The following ZFHX4 variants were observed in gnomAD, a reference collection of about 807,000 sequenced individuals.
The protein encoded by ZFHX4 is zinc finger homeobox 4.
Under a neutral mutation model 267.6 loss-of-function variants are expected in ZFHX4, and 56 were observed. The observed-to-expected ratio is 0.21, with a 90% CI of 0.17 to 0.26. The LOEUF (loss-of-function observed/expected upper bound fraction) is 0.26. Ranked by LOEUF, ZFHX4 falls within the 10% of genes least tolerant of loss-of-function variation. The pLI is 1.00. For synonymous variants in ZFHX4, 1,778 were observed against 1,665.6 expected, an observed-to-expected ratio of 1.07 and a Z score of -1.64; for missense variants, 4,332 against 4,420.0, an observed-to-expected ratio of 0.98 and a Z score of 0.56.
intron 4 of ZFHX4, among the ~76,000 whole-genome samples, chr8:76,789,840 C>G (rs942418097): frequency 6.6e-6 from 1 of 152,022 alleles, no homozygotes; most frequent in African/African-American, 2.4e-5. Context: ...TGTGCATATG[C>G]ATTTAGAAAA....
chr8:76,832,002 T>TC (rs1554571761), intron 4 of ZFHX4, among the ~76,000 whole-genome samples: 1 of 144,620 alleles, frequency 6.9e-6, no homozygotes, highest in Non-Finnish European at 1.5e-5. Flanking sequence ...GTTTTTTTAG[T>TC]GGGGGGGGGC....
chr8:76,849,014 G>C lies in ZFHX4; in HGVS notation c.3531G>C (p.Lys1177Asn), dbSNP rs375393965. The change falls in exon 7 of 11, where the codon AAG becomes AAC. Residue 1177 changes from lysine (K) to asparagine (N), a missense_variant. Around this residue, in one of 7 missense-constraint regions of ZFHX4, gnomAD observed 1,371 missense variants for 1,423.1 expected, o/e 0.96. Coordinates refer to ENST00000651372, the MANE Select transcript of ZFHX4 (RefSeq NM_024721.5). ...NKDSGIITPE[K>N]ELKVSVAGGT... ...AATCAGGGATAATCACACCAGAGAAGGAACTAAAAGTTAGTGTGGCAGGGG... is the reference window on the plus strand; with the variant it reads ...AATCAGGGATAATCACACCAGAGAACGAACTAAAAGTTAGTGTGGCAGGGG... The C allele has an allele frequency of 1.6e-4, 243 of 1,547,918 alleles. No individual in the cohort carries two copies. The highest frequency in any genetic ancestry group is 2.0e-4 in the Non-Finnish European group (235 of 1,147,182).
At chr8:76,825,634 C>A (rs1310344076) in intron 4 of ZFHX4, among the ~76,000 whole-genome samples, 1 of 152,190 alleles carries the variant, frequency 6.6e-6, no homozygotes, top group East Asian at 1.9e-4. Flanking sequence ...TATTTCAACA[C>A]AGGGGTTATG....
chr8:76,790,799 A>T (rs1342102479), intron 4 of ZFHX4, among the ~76,000 whole-genome samples: 3 of 152,060 alleles, frequency 2.0e-5, no homozygotes, highest in Non-Finnish European at 4.4e-5. Context: ...CATAATTCCC[A>T]AGTTGGAACA....
chr8:76,716,759 A>G (rs934769913), intron 3 of ZFHX4, among the ~76,000 whole-genome samples: 2 of 152,206 alleles, frequency 1.3e-5, no homozygotes, highest in Admixed American at 1.3e-4. Flanking sequence ...ATGAACAGGA[A>G]GGAGAAACTG....
rs1808259680 is a variant in ZFHX4 at position 76,706,097 on chromosome 8, C to T, written c.2009C>T (p.Pro670Leu). 2 of 1,613,514 alleles carry T rather than the reference C, an allele frequency of 1.2e-6. No individual in the cohort carries two copies. Among genetic ancestry groups the T allele is most frequent in the South Asian group, 1.1e-5 (1 of 91,024 alleles). ...CATATGAAGGAGAAACACCCTGAGCCGGGTGGCTCTTGTGTTTATTGTAAG... is the reference window on the plus strand; with the variant it reads ...CATATGAAGGAGAAACACCCTGAGCTGGGTGGCTCTTGTGTTTATTGTAAG... Reference protein sequence around the residue: ...EAHMKEKHPEPGGSCVYCKTG... With the variant: ...EAHMKEKHPELGGSCVYCKTG... Residue 670 changes from proline (P) to leucine (L), a missense_variant, in exon 2 of 11, where the codon CCG becomes CTG. By Grantham distance (98) the Pro-to-Leu change is moderately conservative. Around this residue, in one of 7 missense-constraint regions of ZFHX4, gnomAD observed 1,195 missense variants for 1,173.6 expected, o/e 1.02. Transcript: ENST00000651372.
Position 76,849,862 on chromosome 8 carries a change from C to T in ZFHX4, c.3846+150C>T, listed in dbSNP as rs1008196698. On this transcript the variant is annotated intron_variant, in intron 8 of 10. Transcript: ENST00000651372. ...CGTGTTATAGTAGTCACACTCAAGG[C>T]CCATTTGTGACCTCTTTTGCTTGGA... The T allele has an allele frequency of 1.2e-5, 10 of 842,868 alleles. No individual in the cohort carries two copies. The African/African-American group carries it at 1.5e-4, about 13-fold the overall frequency. 52.2% of individuals were successfully genotyped at this position (842,868 alleles called of 1,614,324 possible).
chr8:76,698,311 A>T (rs1255907387), intron 1 of ZFHX4, among the ~76,000 whole-genome samples: 2 of 152,174 alleles, frequency 1.3e-5, no homozygotes, highest in Admixed American at 1.3e-4. Context: ...AATGAGTCAT[A>T]TAATAGTGTA....
At chr8:76,714,459 C>G (rs1808511897) in intron 3 of ZFHX4, among the ~76,000 whole-genome samples, 1 of 152,118 alleles carries the variant, frequency 6.6e-6, no homozygotes, top group African/African-American at 2.4e-5. Context: ...CTGCCTGCCC[C>G]CCAAATTATC....
At chr8:76,856,327 T>C in intron 10 of ZFHX4, 27 bp downstream of exon 10, 1 of 1,611,114 alleles carries the variant, frequency 6.2e-7, no homozygotes, top group Non-Finnish European at 8.5e-7. Flanking sequence ...AGACTCAGTC[T>C]AGTTAATTAA....
At chr8:76,834,176 G>A (rs1247380459) in intron 5 of ZFHX4, 13 of 442,218 alleles carry the variant, frequency 2.9e-5, no homozygotes, top group Non-Finnish European at 4.1e-5. Context: ...TGGCAATTAC[G>A]AATAAAACTA....
chr8:76,704,637 A>C lies in ZFHX4; in HGVS notation c.549A>C (p.Ala183=), dbSNP rs1329540809. The C allele has an allele frequency of 1.9e-6, 3 of 1,613,978 alleles. No homozygotes were observed. The East Asian group carries it at 6.7e-5, about 36-fold the overall frequency. The stretch of plus-strand genomic sequence containing the variant: ...AGAAGAGTGATCAGTCTGCTTCTGC[A>C]CCTATGTCGTTCTACCCACAGATCA... ...AGEKSDQSAS[A]PMSFYPQIIN... Residue 183 remains alanine (A), a synonymous_variant, in exon 2 of 11, where the codon GCA becomes GCC. Transcript: ENST00000651372.
At chr8:76,714,859 C>T (rs531214306) in intron 3 of ZFHX4, among the ~76,000 whole-genome samples, 63 of 152,238 alleles carry the variant, frequency 4.1e-4, no homozygotes, top group African/African-American at 1.5e-3. Flanking sequence ...ACATTTGGTG[C>T]TTAGATGTCG....
At chr8:76,795,280 GTTGT>G (rs1454603967) in intron 4 of ZFHX4, among the ~76,000 whole-genome samples, 4 of 151,880 alleles carry the variant, frequency 2.6e-5, no homozygotes, top group Non-Finnish European at 5.9e-5. Context: ...TTTGTTTTTG[GTTGT>G]TTGTTTTGAG....
intron 3 of ZFHX4, among the ~76,000 whole-genome samples, chr8:76,712,860 A>G (rs893838805): frequency 2.6e-5 from 4 of 152,234 alleles, no homozygotes; most frequent in African/African-American, 7.2e-5. Context: ...TTTAAAAAAA[A>G]ACTAATCACA....
At chr8:76,701,529 C>G (rs141874998) in intron 1 of ZFHX4, among the ~76,000 whole-genome samples, 1 of 152,042 alleles carries the variant, frequency 6.6e-6, no homozygotes, top group Non-Finnish European at 1.5e-5. Flanking sequence ...AGAAAAAGAT[C>G]GGATCTACTT....
At position 76,811,628 on chromosome 8, in the gene ZFHX4, G is replaced by A. The variant is rs193154977; in HGVS notation, c.3326-21710G>A. ...TTCTGTACATAAATAATAACAAGAA[G>A]GTGTATGCTGTCATTGCCCTGCTTG... On this transcript the variant is annotated intron_variant, in intron 4 of 10. Coordinates refer to ENST00000651372, the MANE Select transcript of ZFHX4 (RefSeq NM_024721.5). 2.8e-4 allele frequency among the ~76,000 whole-genome samples: 43 copies of A among 152,216 alleles called. No homozygotes were observed. The East Asian group carries it at 7.9e-3, about 28-fold the overall frequency.
chr8:76,773,755 T>C (rs916070461), intron 3 of ZFHX4, among the ~76,000 whole-genome samples: 10 of 152,222 alleles, frequency 6.6e-5, no homozygotes, highest in African/African-American at 2.2e-4. Flanking sequence ...CATTTGATTA[T>C]CTAATTTATT....
intron 3 of ZFHX4, among the ~76,000 whole-genome samples, chr8:76,721,122 T>A (rs183778578): frequency 1.3e-5 from 2 of 152,060 alleles, no homozygotes; most frequent in Non-Finnish European, 2.9e-5. Flanking sequence ...AAGAAAAGAA[T>A]GAATGATGAG....
Sources: allele counts gnomAD v4.1 joint callset (sites outside exome capture counted in the v4.1 genomes callset), GRCh38; gene constraint gnomAD v4.1.1; regional missense constraint gnomAD v4.1.1; transcripts MANE v1.5; gene names NCBI Gene and HGNC (gene_info 2026-07-23, HGNC 2026-07-21).